The following PAK5 variants were observed in gnomAD, a reference collection of about 807,000 sequenced individuals.
The protein encoded by PAK5 is p21 (RAC1) activated kinase 5.
PAK5 carries 16 observed loss-of-function variants against 65.9 expected under a neutral mutation model. The ratio of observed to expected loss-of-function variants is 0.24; its 90% CI spans 0.16 to 0.37. The LOEUF is 0.37. PAK5 is among the 10% of genes least tolerant of loss of function. The pLI is 1.00. For missense variants in PAK5, 785 were observed against 903.9 expected (o/e 0.87, Z 1.69); for synonymous variants, 371 against 354.9 (o/e 1.05, Z -0.51).
intron 3 of PAK5, among the ~76,000 whole-genome samples, chr20:9,626,742 A>G (rs1322033568): frequency 6.6e-6 from 1 of 151,848 alleles, no homozygotes; most frequent in Non-Finnish European, 1.5e-5. Context: ...TACAGTTTGG[A>G]CTGAATTACC....
intron 1 of PAK5, among the ~76,000 whole-genome samples, chr20:9,766,985 G>A (rs1468157769): frequency 6.6e-6 from 1 of 151,914 alleles, no homozygotes; most frequent in Non-Finnish European, 1.5e-5. Flanking sequence ...ATTAGGATAT[G>A]CTCCCACAAG....
chr20:9,616,350 C>T (rs979556768), intron 3 of PAK5, among the ~76,000 whole-genome samples: 1 of 152,152 alleles, frequency 6.6e-6, no homozygotes, highest in Non-Finnish European at 1.5e-5. Flanking sequence ...ACGCCAGTAG[C>T]GAGTAGCAGA....
intron 3 of PAK5, among the ~76,000 whole-genome samples, chr20:9,582,286 T>C (rs1473542050): frequency 6.6e-6 from 1 of 152,202 alleles, no homozygotes; most frequent in Non-Finnish European, 1.5e-5. Flanking sequence ...TCTTCCGAGT[T>C]TCCTCTGATC....
intron 1 of PAK5, among the ~76,000 whole-genome samples, chr20:9,768,311 A>G (rs1569080277): frequency 1.3e-5 from 2 of 152,198 alleles, no homozygotes; most frequent in South Asian, 4.2e-4. Flanking sequence ...ACACATGGAC[A>G]TAAACATAGG....
At chr20:9,771,407 A>T (rs117914605) in intron 1 of PAK5, among the ~76,000 whole-genome samples, 100,840 of 143,040 alleles carry the variant, frequency 0.7, 34,337 homozygotes, top group South Asian at 0.76. Context: ...TATAATTTAA[A>T]AAAATTTTTT....
chr20:9,671,423 A>AT (rs1394420756), intron 2 of PAK5, among the ~76,000 whole-genome samples: 1 of 152,020 alleles, frequency 6.6e-6, no homozygotes, highest in African/African-American at 2.4e-5. Flanking sequence ...ATGTTCTTCC[A>AT]TTTGTTTGTA....
intron 3 of PAK5, among the ~76,000 whole-genome samples, chr20:9,635,942 G>A (rs1285669068): frequency 6.6e-6 from 1 of 152,148 alleles, no homozygotes; most frequent in Non-Finnish European, 1.5e-5. Flanking sequence ...CTAGGAGCAT[G>A]GCAAACATCT....
At chr20:9,553,439 C>T (rs978857000) in intron 7 of PAK5, among the ~76,000 whole-genome samples, 4 of 152,098 alleles carry the variant, frequency 2.6e-5, no homozygotes, top group African/African-American at 9.7e-5. Flanking sequence ...TCAAGATACC[C>T]AACTGTACCA....
At chr20:9,639,281 G>T (rs1465016110) in intron 3 of PAK5, among the ~76,000 whole-genome samples, 4 of 152,122 alleles carry the variant, frequency 2.6e-5, no homozygotes, top group Non-Finnish European at 5.9e-5. Context: ...GTAGTCACAG[G>T]ATTCTGTTTG....
At chr20:9,645,494 T>G (rs1411487996) in intron 2 of PAK5, among the ~76,000 whole-genome samples, 1 of 152,212 alleles carries the variant, frequency 6.6e-6, no homozygotes, top group Non-Finnish European at 1.5e-5. Context: ...ATGGGCATTG[T>G]GAAAGATGAT....
chr20:9,593,333 G>A (rs6056724), intron 3 of PAK5, among the ~76,000 whole-genome samples: 64 of 152,070 alleles, frequency 4.2e-4, no homozygotes, highest in African/African-American at 1.5e-3. Context: ...GGTAGGTTAG[G>A]CTCCCTTCAT....
chr20:9,578,842 G>T (rs2045930836), intron 4 of PAK5, among the ~76,000 whole-genome samples: 1 of 151,990 alleles, frequency 6.6e-6, no homozygotes, highest in Non-Finnish European at 1.5e-5. Flanking sequence ...CTGAGTGTGG[G>T]TGTTCAAGTA....
chr20:9,815,133 C>CT (rs2049341722), intron 1 of PAK5, among the ~76,000 whole-genome samples: 1 of 152,148 alleles, frequency 6.6e-6, no homozygotes, highest in Non-Finnish European at 1.5e-5. Context: ...AATTCACTCT[C>CT]TCCTTCGAGA....
chr20:9,818,181 C>G (rs1243978433), intron 1 of PAK5, among the ~76,000 whole-genome samples: 1 of 152,212 alleles, frequency 6.6e-6, no homozygotes, highest in East Asian at 1.9e-4. Context: ...CTCTCCATAT[C>G]TGATCAGATT....
chr20:9,830,183 C>A (rs1337452670), intron 1 of PAK5, among the ~76,000 whole-genome samples: 1 of 152,158 alleles, frequency 6.6e-6, no homozygotes, highest in East Asian at 1.9e-4. Context: ...AGGACAGGGA[C>A]CTGTCTTGCT....
At position 9,752,666 on chromosome 20, in the gene PAK5, G is replaced by C. The variant is rs547297122; in HGVS notation, c.-161-41231C>G. On this transcript the variant is annotated intron_variant, in intron 1 of 9. Coordinates refer to ENST00000353224, the MANE Select transcript of PAK5 (RefSeq NM_177990.4). Reference sequence around the variant, plus strand: ...TTAAAAAATTTAAAAATAAGACTAAGGAAATTGAATGATAAAATATGTAAG... The same window carrying C: ...TTAAAAAATTTAAAAATAAGACTAACGAAATTGAATGATAAAATATGTAAG... 2.2e-3 allele frequency among the ~76,000 whole-genome samples: 334 copies of C among 152,168 alleles called. 2 individuals carry two copies. Among genetic ancestry groups the C allele is most frequent in the Non-Finnish European group, 2.8e-3 (192 of 67,988 alleles).
At chr20:9,601,104 A>G (rs937903847) in intron 3 of PAK5, among the ~76,000 whole-genome samples, 1 of 152,176 alleles carries the variant, frequency 6.6e-6, no homozygotes, top group East Asian at 1.9e-4. Flanking sequence ...ATAGAGGTGT[A>G]TATTGTACAA....
In PAK5 at chr20:9,838,455, CG is replaced by C. The variant is rs918083981; in HGVS notation, c.-162+306del. 6.6e-6 allele frequency among the ~76,000 whole-genome samples: 1 copy of C among 152,136 alleles called. No individual in the cohort carries two copies. The highest frequency in any genetic ancestry group is 2.4e-5 in the African/African-American group (1 of 41,448). ...CCAGCACGCTCTCAGGGCTGGAATC[CG>C]GGGTTCTCCTCCACGCCCTCCCGCC... On this transcript the variant is annotated intron_variant, in intron 1 of 9. Coordinates refer to ENST00000353224, the MANE Select transcript of PAK5 (RefSeq NM_177990.4). This position sits in a 1 kb window ranked among gnomAD's most constrained non-coding sequence, Gnocchi z 4.5.
At chr20:9,673,204 C>T (rs1289224861) in intron 2 of PAK5, among the ~76,000 whole-genome samples, 1 of 152,010 alleles carries the variant, frequency 6.6e-6, no homozygotes, top group Non-Finnish European at 1.5e-5. Context: ...AAACCTGGCA[C>T]CTAATCCTTA....
Sources: allele counts gnomAD v4.1 joint callset (sites outside exome capture counted in the v4.1 genomes callset), GRCh38; gene constraint gnomAD v4.1.1; non-coding constraint Gnocchi (gnomAD v3.1); transcripts MANE v1.5; gene names NCBI Gene and HGNC (gene_info 2026-07-23, HGNC 2026-07-21).